The following PRKX variants were observed in gnomAD, a reference collection of about 807,000 sequenced individuals.
PRKX encodes the protein cAMP-dependent protein kinase catalytic subunit PRKX.
Under a neutral mutation model 22.0 loss-of-function variants are expected in PRKX, and 12 were observed. The ratio of observed to expected loss-of-function variants is 0.54; its 90% CI spans 0.35 to 0.88. The LOEUF (loss-of-function observed/expected upper bound fraction) is 0.88. Among genes scored for constraint, PRKX ranks in the 40% least tolerant of loss-of-function variants. PRKX has a pLI of 0.01. For missense variants in PRKX, 217 were observed against 308.0 expected (o/e 0.70, Z 2.21); for synonymous variants, 134 against 137.7 (o/e 0.97, Z 0.19).
At chrX:3,631,480 T>C (rs1345099158) in intron 4 of PRKX, among the ~76,000 whole-genome samples, 2 of 108,887 alleles carry the variant, frequency 1.8e-5, no homozygotes, top group African/African-American at 6.7e-5. Context: ...GCAGGGAGTA[T>C]CCTCCCCTAG....
intron 1 of PRKX, among the ~76,000 whole-genome samples, chrX:3,677,385 A>G (rs1457574542): frequency 1.9e-5 from 2 of 103,978 alleles, no homozygotes; most frequent in African/African-American, 3.6e-5. Context: ...CTGAAGTGCA[A>G]TGGCACAATC....
chrX:3,617,365 G>A (rs1019588817), intron 6 of PRKX, among the ~76,000 whole-genome samples: 7 of 109,706 alleles, frequency 6.4e-5, no homozygotes, highest in Admixed American at 9.9e-5. Flanking sequence ...TGTGAGGGGG[G>A]TGGGAGCAGT....
chrX:3,672,560 T>C (rs774247555), intron 2 of PRKX, among the ~76,000 whole-genome samples: 1 of 111,563 alleles, frequency 9.0e-6, no homozygotes, highest in South Asian at 3.8e-4. Flanking sequence ...GCGGTTCTTC[T>C]GTGGGATTTT....
At chrX:3,678,766 G>A (rs749846539) in intron 1 of PRKX, among the ~76,000 whole-genome samples, 3 of 111,796 alleles carry the variant, frequency 2.7e-5, no homozygotes, top group Admixed American at 1.9e-4. Flanking sequence ...GATCTTCCCC[G>A]CTTGGTGTTG....
At chrX:3,671,961 G>A (rs1223679496) in intron 2 of PRKX, among the ~76,000 whole-genome samples, 1 of 111,330 alleles carries the variant, frequency 9.0e-6, no homozygotes, top group African/African-American at 3.3e-5. Flanking sequence ...TGTTCATAGA[G>A]AAAAAACAAA....
intron 1 of PRKX, among the ~76,000 whole-genome samples, chrX:3,708,358 C>A (rs1928723131): frequency 9.0e-6 from 1 of 110,634 alleles, no homozygotes; most frequent in South Asian, 3.8e-4. Flanking sequence ...GCTACAACTG[C>A]CTGAACCGAC....
chrX:3,627,486 G>GTTTTTT, intron 4 of PRKX, among the ~76,000 whole-genome samples: 1 of 107,094 alleles, frequency 9.3e-6, no homozygotes, highest in Non-Finnish European at 1.9e-5. Context: ...TTTTGAGACA[G>GTTTTTT]GATCTCGCTC....
At chrX:3,650,540 A>AAAAAG (rs11429932) in intron 3 of PRKX, among the ~76,000 whole-genome samples, 2 of 94,384 alleles carry the variant, frequency 2.1e-5, no homozygotes, top group African/African-American at 7.8e-5. Context: ...AAAAAAAAAA[A>AAAAAG]GAGAGAAAAA....
At chrX:3,617,539 G>A (rs1238087154) in intron 6 of PRKX, among the ~76,000 whole-genome samples, 2 of 110,588 alleles carry the variant, frequency 1.8e-5, no homozygotes, top group East Asian at 2.8e-4. Flanking sequence ...CCAGCTACTC[G>A]GGAGGCGGAG....
At chrX:3,681,899 T>C (rs1305733518) in intron 1 of PRKX, among the ~76,000 whole-genome samples, 2 of 110,187 alleles carry the variant, frequency 1.8e-5, no homozygotes, top group African/African-American at 6.6e-5. Flanking sequence ...CCACCGTGTT[T>C]ATCATCACGA....
At chrX:3,675,801 A>G (rs895415250) in intron 1 of PRKX, among the ~76,000 whole-genome samples, 16 of 111,617 alleles carry the variant, frequency 1.4e-4, no homozygotes, top group African/African-American at 4.9e-4. Context: ...TTCACGTAGC[A>G]TAAATGTTCT....
At chrX:3,626,657 G>A (rs766473129) in intron 4 of PRKX, 143 bp from the exon 5 acceptor site, 21 of 516,640 alleles carry the variant, frequency 4.1e-5, no homozygotes, top group African/African-American at 7.0e-5. Context: ...AAGTTGTCAC[G>A]ATCTGAAAGC....
At chrX:3,628,972 A>G (rs1473014195) in intron 4 of PRKX, among the ~76,000 whole-genome samples, 2 of 109,543 alleles carry the variant, frequency 1.8e-5, no homozygotes, top group Admixed American at 9.8e-5. Flanking sequence ...CCTGAGAGGC[A>G]GAGGTTGCAG....
chrX:3,654,202 T>A (rs2146583066), intron 3 of PRKX, among the ~76,000 whole-genome samples: 1 of 94,116 alleles, frequency 1.1e-5, no homozygotes, highest in South Asian at 4.4e-4. Flanking sequence ...TAATATATAG[T>A]ATACCTATAT....
chrX:3,653,254 G>A (rs186249966), intron 3 of PRKX, among the ~76,000 whole-genome samples: 6 of 109,834 alleles, frequency 5.5e-5, no homozygotes, highest in Non-Finnish European at 9.5e-5. Flanking sequence ...GAGCCCCCTC[G>A]CCCCTTCCAC....
intron 7 of PRKX, among the ~76,000 whole-genome samples, chrX:3,614,716 A>C (rs895247688): frequency 3.6e-5 from 4 of 111,585 alleles, no homozygotes; most frequent in Non-Finnish European, 7.5e-5. Flanking sequence ...TTGACAGCAT[A>C]GTTGGGTGGG....
intron 2 of PRKX, among the ~76,000 whole-genome samples, chrX:3,667,039 G>A (rs1369207743): frequency 2.7e-5 from 3 of 110,916 alleles, no homozygotes; most frequent in African/African-American, 6.6e-5. Flanking sequence ...ATCTATGAAC[G>A]GGGGGAAAGT....
At chrX:3,673,173 G>A (rs1447481959) in intron 2 of PRKX, among the ~76,000 whole-genome samples, 3 of 111,216 alleles carry the variant, frequency 2.7e-5, no homozygotes, top group Admixed American at 9.6e-5. Context: ...TGTGTCCCGG[G>A]GACAGCAGGT....
chrX:3,692,684 C>T (rs568823056), intron 1 of PRKX, among the ~76,000 whole-genome samples: 4 of 110,562 alleles, frequency 3.6e-5, no homozygotes, highest in African/African-American at 1.3e-4. Context: ...CCCACCACCA[C>T]GCCTGGCTAA....
Sources: gnomAD v4.1 joint callset for allele counts (sites outside exome capture counted in the v4.1 genomes callset) on GRCh38, gnomAD v4.1.1 for gene constraint, MANE v1.5 for transcripts, NCBI Gene and HGNC (gene_info 2026-07-23, HGNC 2026-07-21) for gene names.